RETREG1: variants seen among roughly 807,000 people sequenced by gnomAD.
The protein encoded by RETREG1 is family with sequence similarity 134 member B.
RETREG1 carries 44 observed loss-of-function variants against 54.8 expected under a neutral mutation model. The observed-to-expected ratio is 0.80, with a 90% CI of 0.63 to 1.03. The LOEUF (loss-of-function observed/expected upper bound fraction) is 1.03. RETREG1 is among the 50% of genes least tolerant of loss of function. The probability of loss-of-function intolerance (pLI) is 0.00; values close to 1 mark genes in which losing one functional copy is unlikely to be tolerated. For missense variants in RETREG1, 554 were observed against 605.1 expected (o/e 0.92, Z 0.89); for synonymous variants, 217 against 238.5 (o/e 0.91, Z 0.83).
chr5:16,531,837 T>G (rs564681858), intron 3 of RETREG1, among the ~76,000 whole-genome samples: 1 of 152,286 alleles, frequency 6.6e-6, no homozygotes, highest in South Asian at 2.1e-4. Flanking sequence ...GTTTGGCTGC[T>G]CTTTCTCAAC....
intron 1 of RETREG1, among the ~76,000 whole-genome samples, chr5:16,580,761 T>C (rs902478966): frequency 2.0e-5 from 3 of 152,146 alleles, no homozygotes; most frequent in African/African-American, 4.8e-5. Flanking sequence ...GGGAGGTCTG[T>C]GCATGTGCGC....
chr5:16,616,827 C>T lies in RETREG1; in HGVS notation c.145G>A (p.Ala49Thr), dbSNP rs1252327162. Residue 49 changes from alanine to threonine, a missense_variant, in exon 1 of 9, where the codon GCG becomes ACG. This residue lies in a region of RETREG1 where 175 missense variants were observed against 142.1 expected (regional missense o/e 1.23). Coordinates refer to ENST00000306320, the MANE Select transcript of RETREG1 (RefSeq NM_001034850.3). ...QQEEEAQEAG[A>T]AEGAGLQVEE... is the part of the protein sequence containing the mutation. ...ACCTGCAACCCCGCGCCCTCCGCCG[C>T]CCCAGCTTCCTGCGCTTCCTCCTCC... 6.6e-6 allele frequency: 10 copies of T among 1,515,632 alleles called. No individual in the cohort carries two copies. The highest frequency in any genetic ancestry group is 8.8e-6 in the Non-Finnish European group (10 of 1,139,340). The allele number at this position is 1,515,632 out of a possible 1,614,324, so 93.9% of individuals were successfully genotyped here.
chr5:16,533,210 A>G (rs1386634968), intron 3 of RETREG1, among the ~76,000 whole-genome samples: 1 of 152,038 alleles, frequency 6.6e-6, no homozygotes, highest in Non-Finnish European at 1.5e-5. Flanking sequence ...ACACCCAGCT[A>G]ATTTTTTGTA....
chr5:16,542,862 C>T (rs957502912), intron 3 of RETREG1, among the ~76,000 whole-genome samples: 4 of 152,192 alleles, frequency 2.6e-5, no homozygotes, highest in African/African-American at 9.7e-5. Context: ...CTACAATAAA[C>T]TGCGCATAAG....
intron 3 of RETREG1, among the ~76,000 whole-genome samples, chr5:16,499,705 T>C (rs1052526978): frequency 3.9e-5 from 6 of 152,256 alleles, no homozygotes; most frequent in African/African-American, 1.2e-4. Flanking sequence ...ACCACCATCA[T>C]GTGTGGGTGT....
chr5:16,560,473 G>A (rs189634263), intron 3 of RETREG1, among the ~76,000 whole-genome samples: 83 of 152,270 alleles, frequency 5.5e-4, no homozygotes, highest in Non-Finnish European at 1.1e-3. Flanking sequence ...GCTTCTTAAA[G>A]GTCATGAAAC....
intron 3 of RETREG1, among the ~76,000 whole-genome samples, chr5:16,535,609 A>G (rs13160996): frequency 0.038 from 2,885 of 75,750 alleles, 7 homozygotes; most frequent in African/African-American, 0.095. Flanking sequence ...GTTCCTGTGT[A>G]CACGCTGCCT....
chr5:16,565,906 C>A, intron 2 of RETREG1, 113 bp from the exon 3 acceptor site: 3 of 1,106,978 alleles, frequency 2.7e-6, no homozygotes, highest in Non-Finnish European at 4.0e-6. Context: ...AGATCTCTAA[C>A]ACTCAGGACA....
At chr5:16,612,448 T>G (rs1368829368) in intron 1 of RETREG1, among the ~76,000 whole-genome samples, 1 of 152,246 alleles carries the variant, frequency 6.6e-6, no homozygotes, top group African/African-American at 2.4e-5. Flanking sequence ...GGGACAGGCG[T>G]GGGAAGACAT....
At chr5:16,603,951 C>G (rs188172191) in intron 1 of RETREG1, among the ~76,000 whole-genome samples, 1 of 152,144 alleles carries the variant, frequency 6.6e-6, no homozygotes, top group African/African-American at 2.4e-5. Context: ...AATACACACC[C>G]TGCTTTGGTA....
chr5:16,497,037 T>C (rs1387359760), intron 3 of RETREG1, among the ~76,000 whole-genome samples: 4 of 152,192 alleles, frequency 2.6e-5, no homozygotes, highest in African/African-American at 9.7e-5. Flanking sequence ...ACAAAGGTGA[T>C]GAAAATCACC....
chr5:16,589,211 A>G (rs1742693770), intron 1 of RETREG1, among the ~76,000 whole-genome samples: 1 of 152,166 alleles, frequency 6.6e-6, no homozygotes, highest in Admixed American at 6.5e-5. Flanking sequence ...GTTTATTTGG[A>G]TACATTCAAG....
At chr5:16,512,025 G>A (rs867830200) in intron 3 of RETREG1, among the ~76,000 whole-genome samples, 4 of 152,146 alleles carry the variant, frequency 2.6e-5, no homozygotes, top group South Asian at 4.1e-4. Context: ...AACAGATCCC[G>A]AGTGTAGCTA....
At chr5:16,492,233 A>T (rs112973765) in intron 3 of RETREG1, among the ~76,000 whole-genome samples, 2,532 of 120,452 alleles carry the variant, frequency 0.021, 72 homozygotes, top group African/African-American at 0.069. Flanking sequence ...TCTCTCTCAC[A>T]CACACACACA....
intron 3 of RETREG1, among the ~76,000 whole-genome samples, chr5:16,515,210 C>T (rs573452415): frequency 2.6e-3 from 398 of 152,174 alleles, no homozygotes; most frequent in South Asian, 0.014. Context: ...TACTACTTTA[C>T]ATTCCCACCA....
intron 1 of RETREG1, among the ~76,000 whole-genome samples, chr5:16,598,532 A>C (rs7733639): frequency 0.012 from 1,826 of 152,320 alleles, 29 homozygotes; most frequent in African/African-American, 0.042. Context: ...TGATTCACCC[A>C]AACCACTTCT....
chr5:16,561,551 A>G lies in RETREG1; in HGVS notation c.458+4212T>C, dbSNP rs1260569719. Among the ~76,000 whole-genome samples the G allele has an allele frequency of 6.6e-6, 1 of 152,058 alleles. No individual in the cohort carries two copies. Among genetic ancestry groups the G allele is most frequent in the East Asian group, 1.9e-4 (1 of 5,190 alleles). ...TAAAATAAAATACAAATACAAATAA[A>G]TGGTATTTCCAGTAGCCTGCCTTCT... On this transcript the variant is annotated intron_variant, in intron 3 of 8. Transcript: ENST00000306320. This position sits in a 1 kb window ranked among gnomAD's most constrained non-coding sequence, Gnocchi z 4.2.
chr5:16,498,855 T>A (rs908354568), intron 3 of RETREG1, among the ~76,000 whole-genome samples: 1 of 152,248 alleles, frequency 6.6e-6, no homozygotes, highest in African/African-American at 2.4e-5. Context: ...CTGTAGACTT[T>A]ACAAACCCTG....
intron 1 of RETREG1, among the ~76,000 whole-genome samples, chr5:16,576,342 G>A (rs1015995550): frequency 6.7e-6 from 1 of 148,944 alleles, no homozygotes; most frequent in African/African-American, 2.5e-5. Flanking sequence ...CGCCAGGCTG[G>A]AGGGCAGTGG....
Sources: gnomAD v4.1 joint callset for allele counts (sites outside exome capture counted in the v4.1 genomes callset) on GRCh38, gnomAD v4.1.1 for gene constraint, gnomAD v4.1.1 regional missense constraint, Gnocchi (gnomAD v3.1) non-coding constraint, MANE v1.5 for transcripts, NCBI Gene and HGNC (gene_info 2026-07-23, HGNC 2026-07-21) for gene names.